The following MMEL1 variants were observed in gnomAD, a reference collection of about 807,000 sequenced individuals.
MMEL1 encodes membrane metallo-endopeptidase-like 1.
A neutral mutation model predicts 117.1 loss-of-function variants in MMEL1; 98 were observed. That is an observed-to-expected ratio of 0.84 (90% CI 0.71 to 0.99). The LOEUF is 0.99. Among genes scored for constraint, MMEL1 ranks in the 50% least tolerant of loss-of-function variants. The probability of loss-of-function intolerance (pLI) is 0.00; values close to 1 mark genes in which losing one functional copy is unlikely to be tolerated. For synonymous variants in MMEL1, 390 were observed against 415.1 expected (o/e 0.94, Z 0.74); for missense variants, 1,014 against 1,049.1 (o/e 0.97, Z 0.46).
At chr1:2,632,756 T>G in intron 1 of MMEL1, 110 bp downstream of exon 1, 61 of 672,134 alleles carry the variant, frequency 9.1e-5, no homozygotes, top group Non-Finnish European at 1.0e-4. Context: ...CCCAGCCTCC[T>G]GAGAAAGGGG....
At chr1:2,593,106 G>T in intron 19 of MMEL1, 140 bp from the exon 20 acceptor site, 1 of 1,079,172 alleles carries the variant, frequency 9.3e-7, no homozygotes, top group Non-Finnish European at 1.3e-6. Flanking sequence ...AGTAGGCTGA[G>T]CCTGGAAGAG....
At chr1:2,606,184 C>CT (rs1272480906) in intron 8 of MMEL1, 64 bp downstream of exon 8, 2 of 1,334,162 alleles carry the variant, frequency 1.5e-6, no homozygotes, top group African/African-American at 2.9e-5. Flanking sequence ...TTCTGCTGTG[C>CT]TGCAAGAGCC....
chr1:2,609,561 G>C, intron 5 of MMEL1, 109 bp downstream of exon 5: 1 of 1,528,182 alleles, frequency 6.5e-7, no homozygotes, highest in Non-Finnish European at 8.9e-7. Flanking sequence ...GCGCCCACTG[G>C]ACCAAGGAGG....
chr1:2,630,731 G>A (rs1418510948), intron 1 of MMEL1, among the ~76,000 whole-genome samples: 2 of 145,444 alleles, frequency 1.4e-5, no homozygotes, highest in East Asian at 4.1e-4. Flanking sequence ...GATTGTGCAC[G>A]TGTGCGTGTG....
In MMEL1 at chr1:2,591,959, C is replaced by G; in HGVS notation, c.2136G>C (p.Glu712Asp). Residue 712 changes from glutamate (E) to aspartate (D), a missense_variant, in exon 22 of 24, where the codon GAG (glutamate) becomes GAC (aspartate). By Grantham distance (45) the Glu-to-Asp change is conservative. Transcript: ENST00000378412. The stretch of plus-strand genomic sequence containing the variant: ...GGGCATAGTTGATGAAGAAGAGCTG[C>G]TCATGGGTGAGATCCAGGCCGGGCA... ...QQLPGLDLTHEQLFFINYAQV... is the reference protein window; with the variant it reads ...QQLPGLDLTHDQLFFINYAQV... 6.2e-7 allele frequency: 1 copy of G among 1,613,452 alleles called. No homozygotes were observed. Among genetic ancestry groups the G allele is most frequent in the South Asian group, 1.1e-5 (1 of 91,088 alleles).
At chr1:2,593,216 T>G (rs1464516782) in intron 19 of MMEL1, among the ~76,000 whole-genome samples, 1 of 152,194 alleles carries the variant, frequency 6.6e-6, no homozygotes, top group Admixed American at 6.5e-5. Context: ...GGCTAGGGCC[T>G]AGCACCTGGG....
At chr1:2,603,666 A>G (rs1206455244) in intron 11 of MMEL1, among the ~76,000 whole-genome samples, 1 of 152,106 alleles carries the variant, frequency 6.6e-6, no homozygotes, top group Non-Finnish European at 1.5e-5. Context: ...CTGTTCCAGG[A>G]TGGCACAGTT....
At chr1:2,613,720 A>G (rs1046171018) in intron 2 of MMEL1, among the ~76,000 whole-genome samples, 1 of 152,022 alleles carries the variant, frequency 6.6e-6, no homozygotes, top group Non-Finnish European at 1.5e-5. Flanking sequence ...GCATGGCGGC[A>G]TACGTCTGTA....
intron 18 of MMEL1, 59 bp downstream of exon 18, chr1:2,594,326 C>T: frequency 2.0e-6 from 3 of 1,525,614 alleles, no homozygotes; most frequent in South Asian, 1.2e-5. Flanking sequence ...GGGCTGCAAG[C>T]CACCCCTTCA....
intron 23 of MMEL1, 130 bp downstream of exon 23, chr1:2,591,427 T>C (rs905827669): frequency 9.1e-6 from 7 of 770,138 alleles, no homozygotes; most frequent in East Asian, 2.5e-5. Context: ...CAGAAGCCCC[T>C]CTCAGGTTTA....
At chr1:2,591,795 C>T in intron 22 of MMEL1, 137 bp downstream of exon 22, 2 of 1,070,138 alleles carry the variant, frequency 1.9e-6, no homozygotes, top group Non-Finnish European at 2.8e-6. Flanking sequence ...TGTCCAGCTC[C>T]CGCCCCCTGC....
intron 2 of MMEL1, among the ~76,000 whole-genome samples, chr1:2,620,913 T>G (rs1018683400): frequency 3.9e-5 from 6 of 152,148 alleles, no homozygotes; most frequent in Non-Finnish European, 1.5e-5. Flanking sequence ...CAGGCCATGA[T>G]GGGAAGTGGG....
At position 2,612,284 on chromosome 1, in the gene MMEL1, C is replaced by CTGTGGGAAGATG; in HGVS notation, c.155-81_155-80insCATCTTCCCACA. The CTGTGGGAAGATG allele has an allele frequency of 8.3e-7, 1 of 1,206,370 alleles. No individual in the cohort carries two copies. The highest frequency in any genetic ancestry group is 1.2e-6 in the Non-Finnish European group (1 of 838,622). The allele number at this position is 1,206,370 out of a possible 1,614,324, so 74.7% of individuals were successfully genotyped here. A position where few individuals can be genotyped will look rare whatever the true frequency, so the allele number is the denominator to read the frequency against. On this transcript the variant is annotated intron_variant, in intron 2 of 23. Coordinates refer to ENST00000378412, the MANE Select transcript of MMEL1 (RefSeq NM_033467.4). This position sits in a 1 kb window ranked among gnomAD's most constrained non-coding sequence, Gnocchi z 5.4. ...TGCTGGGGGCCTCCCTGGGTCAGCA[C>CTGTGGGAAGATG]GCCATCTTCCCACAGTGCTGGGTGC...
intron 11 of MMEL1, among the ~76,000 whole-genome samples, chr1:2,600,649 C>G (rs1181411794): frequency 6.6e-6 from 1 of 152,120 alleles, no homozygotes; most frequent in Non-Finnish European, 1.5e-5. Context: ...CTGTGCCACT[C>G]CACTCCAGTC....
chr1:2,631,575 C>T lies in MMEL1; in HGVS notation c.-38+1291G>A, dbSNP rs918969598. On this transcript the variant is annotated intron_variant, in intron 1 of 23. Transcript: ENST00000378412. ...GAGGAGCGGGGACGGGGACCTGGACCTCACTCCTCTCCTCCAGGTCCCTCG... is the reference window on the plus strand; with the variant it reads ...GAGGAGCGGGGACGGGGACCTGGACTTCACTCCTCTCCTCCAGGTCCCTCG... 1.2e-4 allele frequency among the ~76,000 whole-genome samples: 19 copies of T among 152,194 alleles called. No individual in the cohort carries two copies. The East Asian group carries it at 3.5e-3, about 28-fold the overall frequency.
At position 2,596,098 on chromosome 1, in the gene MMEL1, G is replaced by A; in HGVS notation, c.1411C>T (p.Leu471Phe). The A allele has an allele frequency of 3.1e-6, 5 of 1,613,880 alleles. No homozygotes were observed. Among genetic ancestry groups the A allele is most frequent in the Non-Finnish European group, 4.2e-6 (5 of 1,179,812 alleles). The change falls in exon 15 of 24, where the codon CTC becomes TTC. Residue 471 changes from leucine (L) to phenylalanine (F), a missense_variant. Leu to Phe is a conservative substitution (Grantham distance 22, BLOSUM62 0). Coordinates refer to ENST00000378412, the MANE Select transcript of MMEL1 (RefSeq NM_033467.4). ...PGDSKSMVRE[L>F]IDKVRTVFVE... The stretch of plus-strand genomic sequence containing the variant: ...AACACTGTCCGCACCTTGTCAATGA[G>A]TTCTCTGACCTGGGAATCGGGCATG...
chr1:2,619,809 A>G (rs557744298), intron 2 of MMEL1, among the ~76,000 whole-genome samples: 219 of 152,370 alleles, frequency 1.4e-3, no homozygotes, highest in Non-Finnish European at 2.6e-3. Flanking sequence ...TGAGTTAAGC[A>G]ACAGACATAA....
At position 2,595,201 on chromosome 1, in the gene MMEL1, C is replaced by A. The variant is rs887164452; in HGVS notation, c.1584+75G>T. ...TGGGAGGAGGGCACAGAGCTTGGCA[C>A]AGAGGAGCCCCCAGGCAATCAGGGC... On this transcript the variant is annotated intron_variant, in intron 16 of 23. Coordinates refer to ENST00000378412, the MANE Select transcript of MMEL1 (RefSeq NM_033467.4). This position sits in a 1 kb window ranked among gnomAD's most constrained non-coding sequence, Gnocchi z 4.8. 54 of 1,378,738 alleles carry A rather than the reference C, an allele frequency of 3.9e-5. No homozygotes were observed. The highest frequency in any genetic ancestry group is 5.2e-5 in the Non-Finnish European group (51 of 982,236). 85.4% of individuals were successfully genotyped at this position (1,378,738 alleles called of 1,614,324 possible).
intron 2 of MMEL1, among the ~76,000 whole-genome samples, chr1:2,619,326 A>G (rs1195780658): frequency 6.6e-6 from 1 of 152,190 alleles, no homozygotes; most frequent in Non-Finnish European, 1.5e-5. Context: ...CAACTGCTAA[A>G]ATAAAATAAC....
Sources: gnomAD v4.1 joint callset for allele counts (sites outside exome capture counted in the v4.1 genomes callset) on GRCh38, gnomAD v4.1.1 for gene constraint, Gnocchi (gnomAD v3.1) non-coding constraint, MANE v1.5 for transcripts, NCBI Gene and HGNC (gene_info 2026-07-23, HGNC 2026-07-21) for gene names.